Variants in NSUN3 observed in about 807,000 individuals in gnomAD.
The protein encoded by NSUN3 is tRNA (cytosine(34)-C(5))-methyltransferase, mitochondrial.
Under a neutral mutation model 36.8 loss-of-function variants are expected in NSUN3, and 24 were observed. The observed-to-expected ratio is 0.65, with a 90% confidence interval of 0.47 to 0.92. The LOEUF (loss-of-function observed/expected upper bound fraction) is 0.92. NSUN3 is among the 40% of genes least tolerant of loss of function. The probability of loss-of-function intolerance (pLI) is 0.00; values close to 1 mark genes in which losing one functional copy is unlikely to be tolerated. For synonymous variants in NSUN3, 146 were observed against 145.2 expected, an observed-to-expected ratio of 1.01 and a Z score of -0.04; for missense variants, 381 against 392.8, an observed-to-expected ratio of 0.97 and a Z score of 0.25.
intron 5 of NSUN3, among the ~76,000 whole-genome samples, chr3:94,107,582 C>T (rs915891477): frequency 5.9e-5 from 9 of 151,962 alleles, no homozygotes; most frequent in African/African-American, 1.7e-4. Flanking sequence ...CCACCATGCC[C>T]GGCTAATTTT....
chr3:94,128,554 C>CAT lies in NSUN3; in HGVS notation c.*2064_*2065insAT, dbSNP rs367557822. 2 of 138,310 alleles carry CAT rather than the reference C, an allele frequency of 1.4e-5. No homozygotes were observed. The highest frequency in any genetic ancestry group is 3.1e-5 in the Non-Finnish European group (2 of 64,570). 8.6% of individuals were successfully genotyped at this position (138,310 alleles called of 1,614,324 possible). ...CTATGATTACTGAAAAATGGATGCA[C>CAT]GTGTGTGTGTGTGTGTGTGTGTGTG... On this transcript the variant is annotated 3_prime_UTR_variant, in exon 6 of 6. Transcript: ENST00000314622.
At chr3:94,090,445 C>G (rs1202679631) in intron 3 of NSUN3, among the ~76,000 whole-genome samples, 2 of 152,096 alleles carry the variant, frequency 1.3e-5, no homozygotes, top group African/African-American at 4.8e-5. Flanking sequence ...TAATGAAAAG[C>G]TGCCCTGATC....
chr3:94,122,171 A>G (rs865993866), intron 5 of NSUN3, among the ~76,000 whole-genome samples: 1 of 151,076 alleles, frequency 6.6e-6, no homozygotes, highest in Non-Finnish European at 1.5e-5. Context: ...AAAAAAAAAA[A>G]CAATTTAAGT....
At position 94,084,375 on chromosome 3, in the gene NSUN3, G is replaced by A. The variant is rs199820958; in HGVS notation, c.391G>A (p.Asp131Asn). Residue 131 changes from aspartate (D) to asparagine (N), a missense_variant, in exon 3 of 6, where the codon GAT becomes AAT. Coordinates refer to ENST00000314622, the MANE Select transcript of NSUN3 (RefSeq NM_022072.5). The part of the protein sequence containing the change: ...LLPVLALELR[D>N]GEKVLDLCAA... The stretch of plus-strand genomic sequence containing the variant: ...CCCAGTGTTGGCTCTGGAATTAAGG[G>A]ATGGGGAGAAGGTTCTGGATCTCTG... The A allele has an allele frequency of 1.2e-5, 19 of 1,614,048 alleles. No homozygotes were observed. Among genetic ancestry groups the A allele is most frequent in the Non-Finnish European group, 1.5e-5 (18 of 1,180,012 alleles).
chr3:94,068,652 G>A (rs998044391), intron 2 of NSUN3, among the ~76,000 whole-genome samples: 30 of 151,944 alleles, frequency 2.0e-4, no homozygotes, highest in Non-Finnish European at 3.5e-4. Context: ...TTTATTAACT[G>A]TGGAAATTTT....
intron 5 of NSUN3, among the ~76,000 whole-genome samples, chr3:94,118,465 A>G (rs780615067): frequency 6.6e-6 from 1 of 152,176 alleles, no homozygotes; most frequent in Non-Finnish European, 1.5e-5. Flanking sequence ...TTAGAATTCA[A>G]TGATGAATAA....
At chr3:94,122,463 A>C (rs1560042651) in intron 5 of NSUN3, among the ~76,000 whole-genome samples, 1 of 152,118 alleles carries the variant, frequency 6.6e-6, no homozygotes, top group South Asian at 2.1e-4. Flanking sequence ...GACATTAACT[A>C]CTGCCCTATC....
intron 5 of NSUN3, among the ~76,000 whole-genome samples, chr3:94,113,293 C>T (rs1178642032): frequency 1.3e-5 from 2 of 152,158 alleles, no homozygotes. Flanking sequence ...AGCTATAGAA[C>T]TATATTGCCT....
intron 2 of NSUN3, among the ~76,000 whole-genome samples, chr3:94,069,642 AAAT>A (rs1221449865): frequency 1.3e-5 from 2 of 152,254 alleles, no homozygotes; most frequent in Non-Finnish European, 2.9e-5. Flanking sequence ...TTATACTATC[AAAT>A]AATAAACATT....
chr3:94,099,554 A>G (rs1451460411), intron 5 of NSUN3, among the ~76,000 whole-genome samples: 3 of 152,166 alleles, frequency 2.0e-5, no homozygotes, highest in Non-Finnish European at 4.4e-5. Context: ...CAGCTGCTCT[A>G]CATTCCCTGC....
In NSUN3 at chr3:94,126,608, G is replaced by A; in HGVS notation, c.*118G>A. The stretch of plus-strand genomic sequence containing the variant: ...CTGGGTCTGTTTGGAATCCTATTTA[G>A]TTAATACTTTAGCATCTTAGAATCT... On this transcript the variant is annotated 3_prime_UTR_variant, in exon 6 of 6. Coordinates refer to ENST00000314622, the MANE Select transcript of NSUN3 (RefSeq NM_022072.5). 1.1e-6 allele frequency: 1 copy of A among 882,598 alleles called. No homozygotes were observed. The highest frequency in any genetic ancestry group is 1.7e-6 in the Non-Finnish European group (1 of 586,970). 54.7% of individuals were successfully genotyped at this position (882,598 alleles called of 1,614,324 possible).
Position 94,084,268 on chromosome 3 carries a change from G to A in NSUN3, c.284G>A (p.Arg95Lys), listed in dbSNP as rs770091983. Residue 95 changes from arginine to lysine, a missense_variant, in exon 3 of 6, where the codon AGA (arginine) becomes AAA (lysine). Transcript: ENST00000314622. ...AAATCAGTGAAGTGTTACCTTAGCA[G>A]AACTCCGGGCCGAATCCCTTCAGAA... is the stretch of plus-strand genomic sequence containing the variant. Reference protein sequence around the residue: ...YPKSVKCYLSRTPGRIPSERH... With the variant: ...YPKSVKCYLSKTPGRIPSERH... 5.0e-6 allele frequency: 8 copies of A among 1,614,100 alleles called. No individual in the cohort carries two copies. In the South Asian group the frequency reaches 8.8e-5, roughly 18 times the overall value.
At chr3:94,102,212 A>C (rs890573449) in intron 5 of NSUN3, among the ~76,000 whole-genome samples, 4 of 151,038 alleles carry the variant, frequency 2.6e-5, no homozygotes, top group Non-Finnish European at 5.9e-5. Context: ...TAAAAAAAAA[A>C]AAAAAAAAAA....
At chr3:94,107,271 A>T (rs1390374447) in intron 5 of NSUN3, among the ~76,000 whole-genome samples, 1 of 151,938 alleles carries the variant, frequency 6.6e-6, no homozygotes, top group African/African-American at 2.4e-5. Flanking sequence ...TTAGGCATAT[A>T]TATGTTTTGT....
intron 2 of NSUN3, chr3:94,077,092 G>T: frequency 3.8e-6 from 3 of 780,854 alleles, no homozygotes; most frequent in Non-Finnish European, 7.1e-6. Flanking sequence ...AAGAAAAGGG[G>T]TGTTCTTTTT....
intron 5 of NSUN3, among the ~76,000 whole-genome samples, chr3:94,102,694 C>G (rs527289855): frequency 6.6e-6 from 1 of 152,066 alleles, no homozygotes; most frequent in African/African-American, 2.4e-5. Context: ...GTTTACTGAT[C>G]AAAGTATTAC....
At chr3:94,067,535 A>T (rs1020848382) in intron 2 of NSUN3, among the ~76,000 whole-genome samples, 6 of 152,048 alleles carry the variant, frequency 3.9e-5, no homozygotes, top group African/African-American at 9.7e-5. Flanking sequence ...GGATCTTTTT[A>T]AAAAAATTCT....
intron 3 of NSUN3, among the ~76,000 whole-genome samples, chr3:94,090,696 A>G (rs1411421823): frequency 6.6e-6 from 1 of 152,204 alleles, no homozygotes; most frequent in African/African-American, 2.4e-5. Flanking sequence ...TTTTAAATGC[A>G]TCAATTATCT....
At chr3:94,099,295 A>C (rs2077355474) in intron 5 of NSUN3, among the ~76,000 whole-genome samples, 1 of 152,292 alleles carries the variant, frequency 6.6e-6, no homozygotes, top group East Asian at 1.9e-4. Context: ...TCATCATTGC[A>C]AAAATCATTC....
Sources: gnomAD v4.1 joint callset for allele counts (sites outside exome capture counted in the v4.1 genomes callset) on GRCh38, gnomAD v4.1.1 for gene constraint, MANE v1.5 for transcripts, NCBI Gene and HGNC (gene_info 2026-07-23, HGNC 2026-07-21) for gene names.